The following DIP2A variants were observed in gnomAD, a reference collection of about 807,000 sequenced individuals.
The protein encoded by DIP2A is disco-interacting protein 2 homolog A.
Under a neutral mutation model 177.4 loss-of-function variants are expected in DIP2A, and 85 were observed. The observed-to-expected ratio is 0.48, with a 90% CI of 0.40 to 0.57. DIP2A has a LOEUF of 0.57. Ranked by LOEUF, DIP2A falls within the 20% of genes least tolerant of loss-of-function variation. The pLI is 0.00. For missense variants in DIP2A, 1,791 were observed against 2,100.2 expected (o/e 0.85, Z 2.88); for synonymous variants, 886 against 881.8 (o/e 1.00, Z -0.08).
intron 1 of DIP2A, among the ~76,000 whole-genome samples, chr21:46,464,844 T>TTTTTTTTCCC (rs58546395): frequency 3.6e-5 from 4 of 111,230 alleles, no homozygotes; most frequent in African/African-American, 1.7e-4. Flanking sequence ...TTTTTTTTTT[T>TTTTTTTTCCC]CAAGAAAACA....
At chr21:46,463,756 T>C (rs1305455289) in intron 1 of DIP2A, among the ~76,000 whole-genome samples, 5 of 151,102 alleles carry the variant, frequency 3.3e-5, no homozygotes, top group Non-Finnish European at 7.4e-5. Context: ...TTGCCCAGTC[T>C]GGAGTTCAGT....
At chr21:46,528,556 TTTTTTTTTTTTTA>T in intron 8 of DIP2A, among the ~76,000 whole-genome samples, 5 of 105,862 alleles carry the variant, frequency 4.7e-5, no homozygotes, top group African/African-American at 1.8e-4. Flanking sequence ...TTTTTTTTTT[TTTTTTTTTTTTTA>T]GATAATGTCT....
intron 1 of DIP2A, among the ~76,000 whole-genome samples, chr21:46,466,591 C>T (rs560517272): frequency 1.3e-5 from 2 of 151,922 alleles, no homozygotes; most frequent in South Asian, 4.2e-4. Flanking sequence ...CGTGATCCGC[C>T]CGCATTGATC....
intron 32 of DIP2A, 76 bp from the exon 33 acceptor site, chr21:46,560,646 C>T: frequency 2.0e-6 from 3 of 1,534,428 alleles, no homozygotes; most frequent in Non-Finnish European, 2.6e-6. Flanking sequence ...GAGGAGCTGC[C>T]ATGCAGCTGT....
At chr21:46,571,781 A>G (rs1221613933), downstream of DIP2A, among the ~76,000 whole-genome samples, 1 of 152,252 alleles carries the variant, frequency 6.6e-6, no homozygotes, top group Non-Finnish European at 1.5e-5. Flanking sequence ...GTTGCTTATC[A>G]GAGTAAGGAG....
chr21:46,539,682 G>A (rs2059725445), intron 16 of DIP2A, 195 bp from the exon 17 acceptor site: 1 of 613,658 alleles, frequency 1.6e-6, no homozygotes, highest in Admixed American at 2.4e-5. Context: ...ATGGCTGTCT[G>A]ATTTCCTTTA....
intron 2 of DIP2A, among the ~76,000 whole-genome samples, chr21:46,486,070 CAAAAA>C (rs1174271396): frequency 1.7e-5 from 1 of 60,040 alleles, no homozygotes; most frequent in Non-Finnish European, 3.1e-5. Flanking sequence ...GACTTCATCT[CAAAAA>C]AAAAAAAAAA....
chr21:46,529,895 A>G (rs1158314322), intron 9 of DIP2A, among the ~76,000 whole-genome samples: 1 of 152,196 alleles, frequency 6.6e-6, no homozygotes, highest in East Asian at 1.9e-4. Context: ...CCAAAATAGG[A>G]TGCTGGAGAC....
At chr21:46,535,415 A>G (rs1390323325) in intron 13 of DIP2A, among the ~76,000 whole-genome samples, 1 of 152,192 alleles carries the variant, frequency 6.6e-6, no homozygotes, top group East Asian at 1.9e-4. Context: ...GGTATGTCTA[A>G]ATATCTAAAA....
chr21:46,510,918 C>G (rs2058279971), intron 7 of DIP2A, among the ~76,000 whole-genome samples: 1 of 152,158 alleles, frequency 6.6e-6, no homozygotes, highest in African/African-American at 2.4e-5. Context: ...CAGGCATGAG[C>G]CACCACGCCC....
At chr21:46,488,351 G>A (rs950486720) in intron 2 of DIP2A, among the ~76,000 whole-genome samples, 1 of 152,146 alleles carries the variant, frequency 6.6e-6, no homozygotes, top group Non-Finnish European at 1.5e-5. Flanking sequence ...GGCAAGATAG[G>A]AGACCTGGGA....
chr21:46,566,613 A>G lies in DIP2A; in HGVS notation c.4393A>G (p.Arg1465Gly), dbSNP rs1316530285. Reference sequence around the variant, plus strand: ...GTCTCTGGATGAAACTCTGGAGCTCAGAGGCATGCGGTACCACCCCATCGA... The same window carrying G: ...GTCTCTGGATGAAACTCTGGAGCTCGGAGGCATGCGGTACCACCCCATCGA... ...VGSLDETLEL[R>G]GMRYHPIDIE... is the part of the protein sequence containing the mutation. Residue 1465 changes from arginine to glycine, a missense_variant, in exon 37 of 38, where the codon AGA becomes GGA. Coordinates refer to ENST00000417564, the MANE Select transcript of DIP2A (RefSeq NM_015151.4). 1.2e-6 allele frequency: 2 copies of G among 1,614,236 alleles called. No homozygotes were observed. The highest frequency in any genetic ancestry group is 2.2e-5 in the East Asian group (1 of 44,882).
chr21:46,563,775 G>A lies in DIP2A; in HGVS notation c.4090-83G>A, dbSNP rs1249148808. 7 of 1,551,042 alleles carry A rather than the reference G, an allele frequency of 4.5e-6. No homozygotes were observed. The Admixed American group carries it at 1.4e-4, about 31-fold the overall frequency. ...ATCAGTCCTGCAGGCCAGCTTCTGA[G>A]GGACGTTATTTTAATGTCACTGAAT... On this transcript the variant is annotated intron_variant, in intron 34 of 37. Coordinates refer to ENST00000417564, the MANE Select transcript of DIP2A (RefSeq NM_015151.4). This position sits in a 1 kb window ranked among gnomAD's most constrained non-coding sequence, Gnocchi z 4.3.
intron 5 of DIP2A, among the ~76,000 whole-genome samples, chr21:46,500,020 G>A (rs2057564948): frequency 6.6e-6 from 1 of 152,194 alleles, no homozygotes; most frequent in South Asian, 2.1e-4. Context: ...GCTCTTTTTT[G>A]TAAGACCTCG....
chr21:46,483,456 A>G (rs902925803), intron 1 of DIP2A, among the ~76,000 whole-genome samples: 5 of 152,102 alleles, frequency 3.3e-5, no homozygotes, highest in Non-Finnish European at 5.9e-5. Flanking sequence ...CTCTTAAAGC[A>G]GAGGCTCTGT....
At chr21:46,518,034 C>T (rs894261583) in intron 8 of DIP2A, among the ~76,000 whole-genome samples, 1 of 152,274 alleles carries the variant, frequency 6.6e-6, no homozygotes, top group Non-Finnish European at 1.5e-5. Context: ...CCCTCTCCTA[C>T]TCGGAAGCAG....
At chr21:46,507,019 C>T (rs1265928571) in intron 6 of DIP2A, among the ~76,000 whole-genome samples, 2 of 151,892 alleles carry the variant, frequency 1.3e-5, no homozygotes, top group African/African-American at 2.4e-5. Flanking sequence ...TCGTCTCTGC[C>T]TGCCTTGGCT....
At chr21:46,501,846 T>C (rs16979293) in intron 5 of DIP2A, among the ~76,000 whole-genome samples, 2,263 of 152,344 alleles carry the variant, frequency 0.015, 46 homozygotes, top group African/African-American at 0.051. Flanking sequence ...TGGGGAAATT[T>C]CTTTTTAAAC....
At chr21:46,504,517 A>G in intron 6 of DIP2A, 28 bp downstream of exon 6, 1 of 1,580,510 alleles carries the variant, frequency 6.3e-7, no homozygotes, top group Non-Finnish European at 8.6e-7. Flanking sequence ...TCTCCTCGTG[A>G]AATAGCAGAA....
Sources: allele counts gnomAD v4.1 joint callset (sites outside exome capture counted in the v4.1 genomes callset), GRCh38; gene constraint gnomAD v4.1.1; non-coding constraint Gnocchi (gnomAD v3.1); transcripts MANE v1.5; gene names NCBI Gene and HGNC (gene_info 2026-07-23, HGNC 2026-07-21).